Variants in NCKAP5 observed in about 807,000 individuals in gnomAD.
NCKAP5 encodes the protein nck-associated protein 5.
A neutral mutation model predicts 167.0 loss-of-function variants in NCKAP5; 92 were observed. That is an observed-to-expected ratio of 0.55 (90% CI 0.47 to 0.66). NCKAP5 has a LOEUF of 0.66. Among genes scored for constraint, NCKAP5 ranks in the 30% least tolerant of loss-of-function variants. The pLI is 0.00. For synonymous variants in NCKAP5, 891 were observed against 877.4 expected (o/e 1.02, Z -0.27); for missense variants, 2,378 against 2,315.0 (o/e 1.03, Z -0.56).
At chr2:133,265,590 G>A (rs894670731) in intron 4 of NCKAP5, among the ~76,000 whole-genome samples, 2 of 152,174 alleles carry the variant, frequency 1.3e-5, no homozygotes, top group Admixed American at 6.5e-5. Flanking sequence ...TAGCAACAGG[G>A]CACACGCTCC....
At chr2:133,361,098 C>A (rs1685073539) in intron 3 of NCKAP5, among the ~76,000 whole-genome samples, 1 of 151,860 alleles carries the variant, frequency 6.6e-6, no homozygotes. Context: ...CAGGGTTAAC[C>A]AAAGGTTGTG....
At chr2:133,251,764 A>G (rs944744824) in intron 4 of NCKAP5, among the ~76,000 whole-genome samples, 1 of 152,278 alleles carries the variant, frequency 6.6e-6, no homozygotes, top group African/African-American at 2.4e-5. Flanking sequence ...AAAAGAAAAT[A>G]TAAGTGAAAT....
At chr2:133,597,988 G>T in the NCKAP5 span, among the ~76,000 whole-genome samples, 7 of 152,288 alleles carry the variant, frequency 4.6e-5, no homozygotes, top group Admixed American at 3.3e-4. Context: ...ATACCCACCT[G>T]GGTAAACTGG....
intron 11 of NCKAP5, among the ~76,000 whole-genome samples, chr2:132,821,751 C>T (rs1330894132): frequency 6.6e-6 from 1 of 152,074 alleles, no homozygotes; most frequent in East Asian, 1.9e-4. Flanking sequence ...TGAGGCTATC[C>T]CCCACTTCCC....
rs1012876147 is a variant in NCKAP5, at chr2:133,191,623, A to G, written c.207+22093T>C. Among the ~76,000 whole-genome samples, 9 of 152,220 alleles carry G rather than the reference A, an allele frequency of 5.9e-5. 1 individual carries two copies. The highest frequency in any genetic ancestry group is 5.9e-4 in the Admixed American group (9 of 15,284). ...ATGAGTTCATGTCCTTTGTAGGGAC[A>G]TGGATGAAGCTGGAAACCATCATTC... On this transcript the variant is annotated intron_variant, in intron 5 of 19. Coordinates refer to ENST00000409261, the MANE Select transcript of NCKAP5 (RefSeq NM_207363.3).
chr2:133,480,183 C>T (rs560597169), intron 3 of NCKAP5, among the ~76,000 whole-genome samples: 2 of 152,074 alleles, frequency 1.3e-5, no homozygotes, highest in Admixed American at 6.5e-5. Context: ...CCACCCACCT[C>T]GGCCTCCCAA....
At chr2:132,884,035 C>A (rs1380002945) in intron 8 of NCKAP5, among the ~76,000 whole-genome samples, 2 of 152,196 alleles carry the variant, frequency 1.3e-5, no homozygotes, top group Non-Finnish European at 2.9e-5. Context: ...TCAACTCAGT[C>A]ACGGTTCACA....
chr2:133,062,504 T>A (rs1321419042), intron 6 of NCKAP5, among the ~76,000 whole-genome samples: 1 of 152,196 alleles, frequency 6.6e-6, no homozygotes, highest in East Asian at 1.9e-4. Flanking sequence ...AGACTCAGCA[T>A]CATCTTAAAG....
At chr2:132,958,115 G>A (rs566965428) in intron 8 of NCKAP5, among the ~76,000 whole-genome samples, 1 of 152,250 alleles carries the variant, frequency 6.6e-6, no homozygotes, top group Admixed American at 6.5e-5. Flanking sequence ...GGCAGCCAAG[G>A]GCTCCCGCTA....
chr2:132,845,645 A>G (rs1387648228), intron 11 of NCKAP5, among the ~76,000 whole-genome samples: 1 of 152,164 alleles, frequency 6.6e-6, no homozygotes, highest in Non-Finnish European at 1.5e-5. Context: ...TCTTGGTCCA[A>G]ACCCATACTG....
intron 8 of NCKAP5, among the ~76,000 whole-genome samples, chr2:132,933,457 A>G (rs1268888447): frequency 6.6e-6 from 1 of 152,222 alleles, no homozygotes; most frequent in African/African-American, 2.4e-5. Flanking sequence ...AGTTTGCTCT[A>G]GAGATCCAAA....
At chr2:132,898,433 C>A (rs1325296767) in intron 8 of NCKAP5, among the ~76,000 whole-genome samples, 1 of 152,172 alleles carries the variant, frequency 6.6e-6, no homozygotes, top group Non-Finnish European at 1.5e-5. Context: ...ATATTTTGAC[C>A]TTTTCCCATG....
chr2:133,303,824 T>C (rs1467632453), intron 3 of NCKAP5, among the ~76,000 whole-genome samples: 1 of 152,186 alleles, frequency 6.6e-6, no homozygotes, highest in East Asian at 1.9e-4. Context: ...GAAAAATCCA[T>C]AGGTTATTAC....
At chr2:132,844,578 C>T (rs2105443186) in intron 11 of NCKAP5, among the ~76,000 whole-genome samples, 1 of 152,222 alleles carries the variant, frequency 6.6e-6, no homozygotes, top group African/African-American at 2.4e-5. Context: ...TTTACTTTTT[C>T]ACTTAATATA....
At chr2:133,621,045 A>G in the NCKAP5 span, among the ~76,000 whole-genome samples, 2 of 152,130 alleles carry the variant, frequency 1.3e-5, no homozygotes, top group Admixed American at 6.5e-5. Flanking sequence ...TGAAATCAAG[A>G]GGAAAGTTAA....
intron 5 of NCKAP5, among the ~76,000 whole-genome samples, chr2:133,164,834 T>G (rs1318126643): frequency 6.6e-6 from 1 of 152,186 alleles, no homozygotes; most frequent in Non-Finnish European, 1.5e-5. Context: ...TAGAAGAGAA[T>G]CTTGGGAAAA....
intron 6 of NCKAP5, among the ~76,000 whole-genome samples, chr2:133,090,723 A>G (rs1387896884): frequency 6.6e-6 from 1 of 151,086 alleles, no homozygotes; most frequent in African/African-American, 2.5e-5. Context: ...GGTTAATATC[A>G]TGCTTTGTTT....
intron 7 of NCKAP5, among the ~76,000 whole-genome samples, chr2:132,986,460 C>T (rs1035036947): frequency 2.0e-5 from 3 of 152,158 alleles, no homozygotes; most frequent in Admixed American, 1.3e-4. Flanking sequence ...GATGCCCATA[C>T]AGCAGATTCT....
intron 3 of NCKAP5, among the ~76,000 whole-genome samples, chr2:133,319,156 C>A (rs527652501): frequency 2.0e-5 from 3 of 149,380 alleles, no homozygotes; most frequent in Non-Finnish European, 3.0e-5. Context: ...CCTCCCCCCC[C>A]GCCCCCTTCC....
Sources: gnomAD v4.1 joint callset for allele counts (sites outside exome capture counted in the v4.1 genomes callset) on GRCh38, gnomAD v4.1.1 for gene constraint, MANE v1.5 for transcripts, NCBI Gene and HGNC (gene_info 2026-07-23, HGNC 2026-07-21) for gene names.